The following PXDNL variants were observed in gnomAD, a reference collection of about 807,000 sequenced individuals.
The protein encoded by PXDNL is probable oxidoreductase PXDNL.
Under a neutral mutation model 150.8 loss-of-function variants are expected in PXDNL, and 145 were observed. The observed-to-expected ratio is 0.96, with a 90% CI of 0.84 to 1.10. The LOEUF (loss-of-function observed/expected upper bound fraction) is 1.10. Among genes scored for constraint, PXDNL ranks in the 50% least tolerant of loss-of-function variants. The pLI is 0.00. For missense variants in PXDNL, 2,087 were observed against 1,873.9 expected, an observed-to-expected ratio of 1.11 and a Z score of -2.10; for synonymous variants, 757 against 725.7, an observed-to-expected ratio of 1.04 and a Z score of -0.69.
intron 12 of PXDNL, among the ~76,000 whole-genome samples, chr8:51,445,119 C>T (rs1809645616): frequency 6.6e-6 from 1 of 152,080 alleles, no homozygotes; most frequent in Non-Finnish European, 1.5e-5. Context: ...AGGGTTTCAC[C>T]ATGTTGGCCA....
At chr8:51,402,902 A>T (rs1808301638) in intron 17 of PXDNL, among the ~76,000 whole-genome samples, 1 of 87,670 alleles carries the variant, frequency 1.1e-5, no homozygotes, top group Non-Finnish European at 2.5e-5. Context: ...CTCTACTAAA[A>T]ATACACACAC....
chr8:51,732,898 G>T (rs909109070), intron 1 of PXDNL, among the ~76,000 whole-genome samples: 12 of 152,178 alleles, frequency 7.9e-5, no homozygotes, highest in African/African-American at 2.9e-4. Flanking sequence ...GGAATTATGG[G>T]AGCTACAATT....
chr8:51,736,476 C>T (rs1483721534), intron 1 of PXDNL, among the ~76,000 whole-genome samples: 1 of 152,208 alleles, frequency 6.6e-6, no homozygotes, highest in Non-Finnish European at 1.5e-5. Context: ...CCTTATGGTT[C>T]AACAGGGTAC....
At position 51,414,220 on chromosome 8, in the gene PXDNL, A is replaced by G. The variant is rs536418409; in HGVS notation, c.1796-962T>C. The stretch of plus-strand genomic sequence containing the variant: ...ATAGTATGATAGATATATACATATT[A>G]TATGTATATATCTATATATGTGTTT... On this transcript the variant is annotated intron_variant, in intron 14 of 22. Transcript: ENST00000356297. Among the ~76,000 whole-genome samples the G allele has an allele frequency of 5.9e-5, 9 of 151,914 alleles. No homozygotes were observed. In the East Asian group the frequency reaches 1.4e-3, roughly 23 times the overall value.
At chr8:51,619,693 C>T (rs1814199896) in intron 2 of PXDNL, among the ~76,000 whole-genome samples, 1 of 152,160 alleles carries the variant, frequency 6.6e-6, no homozygotes, top group Non-Finnish European at 1.5e-5. Context: ...TTGTAAGTTT[C>T]CTGAGGGCTT....
At chr8:51,523,071 T>C (rs575552090) in intron 4 of PXDNL, among the ~76,000 whole-genome samples, 1 of 152,320 alleles carries the variant, frequency 6.6e-6, no homozygotes, top group South Asian at 2.1e-4. Context: ...TTTAAAATTG[T>C]ATATATTCTA....
At chr8:51,421,973 C>T (rs746198113) in intron 14 of PXDNL, among the ~76,000 whole-genome samples, 9 of 152,114 alleles carry the variant, frequency 5.9e-5, no homozygotes, top group Non-Finnish European at 8.8e-5. Flanking sequence ...CAGCAGGAGG[C>T]GAGCAGCAGG....
chr8:51,334,115 G>GATTGATATGAAAT (rs1269408392), intron 21 of PXDNL, among the ~76,000 whole-genome samples: 1 of 151,422 alleles, frequency 6.6e-6, no homozygotes, highest in South Asian at 2.1e-4. Flanking sequence ...ATCATATCAA[G>GATTGATATGAAAT]CATTCTCGCA....
At chr8:51,326,605 A>C (rs947238511) in intron 21 of PXDNL, among the ~76,000 whole-genome samples, 2 of 152,224 alleles carry the variant, frequency 1.3e-5, no homozygotes, top group African/African-American at 2.4e-5. Flanking sequence ...ATTTTTACTT[A>C]ATTTATTCAA....
rs529230280 is a variant in PXDNL at position 51,641,834 on chromosome 8, G to C, written c.236+12855C>G. 1.4e-4 allele frequency among the ~76,000 whole-genome samples: 21 copies of C among 152,192 alleles called. No individual in the cohort carries two copies. The South Asian group carries it at 2.3e-3, about 17-fold the overall frequency. ...GGATCTAGAACTAGAAATACCATTTGACCCAGCCATCCCATTACTGGGTAT... is the reference window on the plus strand; with the variant it reads ...GGATCTAGAACTAGAAATACCATTTCACCCAGCCATCCCATTACTGGGTAT... On this transcript the variant is annotated intron_variant, in intron 2 of 22. Transcript: ENST00000356297.
At position 51,372,096 on chromosome 8, in the gene PXDNL, A is replaced by AC. The variant is rs759491106; in HGVS notation, c.3693-16_3693-15insG. ...CATACCAGAACCTGGTAGTCAACCAAAAAAAAAACATTGTCGTGGGTCTGT... is the reference window on the plus strand; with the variant it reads ...CATACCAGAACCTGGTAGTCAACCAACAAAAAAAACATTGTCGTGGGTCTGT... On this transcript the variant is annotated splice_polypyrimidine_tract_variant and intron_variant, in intron 18 of 22. Transcript: ENST00000356297. The AC allele has an allele frequency of 2.6e-6, 4 of 1,551,588 alleles. No individual in the cohort carries two copies. In the South Asian group the frequency reaches 3.5e-5, roughly 14 times the overall value.
chr8:51,551,612 T>C (rs1180124403), intron 4 of PXDNL, among the ~76,000 whole-genome samples: 1 of 152,082 alleles, frequency 6.6e-6, no homozygotes. Flanking sequence ...GTTGGGATAA[T>C]TGGAAAGCCA....
chr8:51,327,534 C>G (rs1459126521), intron 21 of PXDNL, among the ~76,000 whole-genome samples: 1 of 152,192 alleles, frequency 6.6e-6, no homozygotes, highest in African/African-American at 2.4e-5. Flanking sequence ...TAAGCTTGAA[C>G]TATAAAGTCA....
rs7827446 is a variant in PXDNL, at chr8:51,320,848, C to T, written c.4196G>A (p.Arg1399Lys). 436,597 of 1,612,848 alleles carry T rather than the reference C, an allele frequency of 0.27. 63,624 individuals are homozygous for T. Among genetic ancestry groups the T allele is most frequent in the African/African-American group, 0.57 (42,720 of 74,894 alleles). Residue 1399 changes from arginine (R) to lysine (K), a missense_variant, in exon 22 of 23, where the codon AGA (arginine) becomes AAA (lysine). Coordinates refer to ENST00000356297, the MANE Select transcript of PXDNL (RefSeq NM_144651.5). Reference protein sequence around the residue: ...RLRQAGCTDVRGVPRKAEERW... With the variant: ...RLRQAGCTDVKGVPRKAEERW... ...CTCCTCGGCCTTCCTTGGAACCCCT[C>T]TAACATCTGTACACCCTGCCTGCCT...
intron 1 of PXDNL, among the ~76,000 whole-genome samples, chr8:51,712,412 TA>T (rs1816520601): frequency 6.6e-6 from 1 of 152,232 alleles, no homozygotes; most frequent in African/African-American, 2.4e-5. Context: ...CCATCTGAAA[TA>T]CTATAGCATA....
intron 17 of PXDNL, among the ~76,000 whole-genome samples, chr8:51,376,555 A>T (rs1034124064): frequency 1.3e-5 from 2 of 152,040 alleles, no homozygotes; most frequent in African/African-American, 4.8e-5. Flanking sequence ...CTTTATTTGA[A>T]ATACATCTCT....
At chr8:51,763,454 AG>A (rs2037189287) in intron 1 of PXDNL, among the ~76,000 whole-genome samples, 1 of 152,172 alleles carries the variant, frequency 6.6e-6, no homozygotes, top group Non-Finnish European at 1.5e-5. Flanking sequence ...CCCAGGTGTC[AG>A]TAGGCCACTG....
At chr8:51,478,968 C>A (rs758861692) in intron 6 of PXDNL, among the ~76,000 whole-genome samples, 2 of 152,086 alleles carry the variant, frequency 1.3e-5, no homozygotes, top group Non-Finnish European at 2.9e-5. Flanking sequence ...GTCAAAATAA[C>A]AAACCAAAAA....
At chr8:51,348,783 G>T (rs1181446564) in intron 19 of PXDNL, among the ~76,000 whole-genome samples, 1 of 151,966 alleles carries the variant, frequency 6.6e-6, no homozygotes, top group Non-Finnish European at 1.5e-5. Context: ...GTTAACCTGA[G>T]GCACAGAAAG....
Sources: gnomAD v4.1 joint callset for allele counts (sites outside exome capture counted in the v4.1 genomes callset) on GRCh38, gnomAD v4.1.1 for gene constraint, MANE v1.5 for transcripts, NCBI Gene and HGNC (gene_info 2026-07-23, HGNC 2026-07-21) for gene names.